The following SPEF1 variants were observed in gnomAD, a reference collection of about 807,000 sequenced individuals.
SPEF1 encodes the protein sperm flagellar and cilia associated 1.
A neutral mutation model predicts 31.8 loss-of-function variants in SPEF1; 30 were observed. The observed-to-expected ratio is 0.94, with a 90% CI of 0.70 to 1.28. The LOEUF is 1.28. Among genes scored for constraint, SPEF1 ranks in the 50% most tolerant of loss-of-function variants. SPEF1 has a pLI of 0.00. For synonymous variants in SPEF1, 126 were observed against 130.1 expected (o/e 0.97, Z 0.21); for missense variants, 298 against 309.6 (o/e 0.96, Z 0.28).
Position 3,781,440 on chromosome 20 carries a change from T to C in SPEF1, c.-153A>G. 8.0e-7 allele frequency: 1 copy of C among 1,248,470 alleles called. No individual in the cohort carries two copies. Among genetic ancestry groups the C allele is most frequent in the South Asian group, 1.6e-5 (1 of 64,268 alleles). 77.3% of individuals were successfully genotyped at this position (1,248,470 alleles called of 1,614,324 possible). On this transcript the variant is annotated 5_prime_UTR_variant, in exon 1 of 7. Transcript: ENST00000379756. ...CACGTCCCAGCTGGGAGCGGCCATA[T>C]TGTTTTCTGAAACCATGGAAACCAT...
chr20:3,781,327 C>G lies in SPEF1; in HGVS notation c.-40G>C. The G allele has an allele frequency of 1.3e-6, 2 of 1,596,064 alleles. No individual in the cohort carries two copies. The highest frequency in any genetic ancestry group is 1.7e-6 in the Non-Finnish European group (2 of 1,172,256). On this transcript the variant is annotated 5_prime_UTR_variant, in exon 1 of 7. Transcript: ENST00000379756. ...CCTGGCCGCCCCAGCGGTGCCGGGT[C>G]CCGCCCCAGCCTCACGACCCTTCAG...
chr20:3,778,937 A>C lies in SPEF1; in HGVS notation c.418+14T>G. 1 of 1,614,164 alleles carries C rather than the reference A, an allele frequency of 6.2e-7. No homozygotes were observed. The highest frequency in any genetic ancestry group is 1.1e-5 in the South Asian group (1 of 91,084). ...GCTCCAACCGGGAGGGAGAAATGGA[A>C]AAGGCCACCTTACCCACATCCATGT... On this transcript the variant is annotated intron_variant, in intron 4 of 6. Coordinates refer to ENST00000379756, the MANE Select transcript of SPEF1 (RefSeq NM_015417.5).
intron 5 of SPEF1, 91 bp from the exon 6 acceptor site, chr20:3,778,635 T>A (rs1333084822): frequency 6.4e-7 from 1 of 1,566,362 alleles, no homozygotes; most frequent in Non-Finnish European, 8.6e-7. Context: ...CTTCTCCCCC[T>A]CTAGCCCCTT....
In SPEF1 at chr20:3,781,446, T is replaced by C. The variant is rs553528371; in HGVS notation, c.-159A>G. 80 of 1,199,612 alleles carry C rather than the reference T, an allele frequency of 6.7e-5. 1 individual carries two copies. The East Asian group carries it at 2.0e-3, about 30-fold the overall frequency. The allele number at this position is 1,199,612 out of a possible 1,614,324, so 74.3% of individuals were successfully genotyped here. The stretch of plus-strand genomic sequence containing the variant: ...CCAGCTGGGAGCGGCCATATTGTTT[T>C]CTGAAACCATGGAAACCATTCCCGA... On this transcript the variant is annotated 5_prime_UTR_variant, in exon 1 of 7. Coordinates refer to ENST00000379756, the MANE Select transcript of SPEF1 (RefSeq NM_015417.5).
At chr20:3,778,878 T>TC in intron 4 of SPEF1, 72 bp from the exon 5 acceptor site, 1 of 1,612,098 alleles carries the variant, frequency 6.2e-7, no homozygotes, top group Non-Finnish European at 8.5e-7. Context: ...CTACTTCCAC[T>TC]CTCACAAGTG....
Position 3,779,259 on chromosome 20 carries a change from G to T in SPEF1, c.315C>A (p.Ile105=). 1 of 1,595,990 alleles carries T rather than the reference G, an allele frequency of 6.3e-7. No individual in the cohort carries two copies. Among genetic ancestry groups the T allele is most frequent in the Non-Finnish European group, 8.5e-7 (1 of 1,170,476 alleles). The part of the protein sequence containing the change: ...CAPGVVELVL[I]PLRQRLEERQ... ...TCTCCTCCAGGCGCTGCCTCAGCGG[G>T]ATGAGCACCAGCTCCACCACGCCTG... Residue 105 remains isoleucine (I), a synonymous_variant, in exon 3 of 7, where the codon ATC becomes ATA. Transcript: ENST00000379756.
At chr20:3,780,312 C>A (rs1339110918) in intron 1 of SPEF1, among the ~76,000 whole-genome samples, 1 of 124,862 alleles carries the variant, frequency 8.0e-6, no homozygotes, top group East Asian at 2.4e-4. Flanking sequence ...CCAGCCTGGG[C>A]GACAAGAGTG....
chr20:3,779,290 C>A lies in SPEF1; in HGVS notation c.284G>T (p.Cys95Phe). The change falls in exon 3 of 7, where the codon TGC becomes TTC. Residue 95 changes from cysteine to phenylalanine, a missense_variant. Transcript: ENST00000379756. Reference sequence around the variant, plus strand: ...CACCAGCTCCACCACGCCTGGGGCGCACTGCGCGATCTTGCGCATCACGTC... The same window carrying A: ...CACCAGCTCCACCACGCCTGGGGCGAACTGCGCGATCTTGCGCATCACGTC... ...PDDVMRKIAQCAPGVVELVLI... is the reference protein window; with the variant it reads ...PDDVMRKIAQFAPGVVELVLI... 1 of 1,599,944 alleles carries A rather than the reference C, an allele frequency of 6.3e-7. No individual in the cohort carries two copies.
At chr20:3,779,175 G>A in intron 3 of SPEF1, 21 bp downstream of exon 3, 1 of 1,555,926 alleles carries the variant, frequency 6.4e-7, no homozygotes, top group Non-Finnish European at 8.7e-7. Context: ...AGCAGTGGGA[G>A]AAGCTGGAGC....
chr20:3,779,185 C>T lies in SPEF1; in HGVS notation c.378+11G>A, dbSNP rs932927643. On this transcript the variant is annotated intron_variant, in intron 3 of 6. Transcript: ENST00000379756. ...CCCAGAGCAGTGGGAGAAGCTGGAG[C>T]GGGGTGGCACCTGTAAGGAGCCGGC... is the stretch of plus-strand genomic sequence containing the variant. 5 of 1,558,744 alleles carry T rather than the reference C, an allele frequency of 3.2e-6. No individual in the cohort carries two copies. Among genetic ancestry groups the T allele is most frequent in the Admixed American group, 1.8e-5 (1 of 54,298 alleles).
chr20:3,780,416 G>GCACA (rs55996387), intron 1 of SPEF1, among the ~76,000 whole-genome samples: 2,395 of 137,866 alleles, frequency 0.017, 27 homozygotes, highest in African/African-American at 0.04. Context: ...GATGCATGAT[G>GCACA]CACACACACA....
chr20:3,778,951 C>G lies in SPEF1; in HGVS notation c.418G>C (p.Gly140Arg). Residue 140 changes from glycine to arginine, a missense_variant and splice_region_variant, in exon 4 of 7, where the codon GGT becomes CGT. Transcript: ENST00000379756. ...PQDGSGYMDV[G>R]VSQKARGEGV... ...GGAGAAATGGAAAAGGCCACCTTACCCACATCCATGTAGCCACTGCCATCC... is the reference window on the plus strand; with the variant it reads ...GGAGAAATGGAAAAGGCCACCTTACGCACATCCATGTAGCCACTGCCATCC... 6.2e-7 allele frequency: 1 copy of G among 1,614,140 alleles called. No individual in the cohort carries two copies. The highest frequency in any genetic ancestry group is 1.1e-5 in the South Asian group (1 of 91,088).
chr20:3,781,066 A>G, intron 1 of SPEF1, 113 bp downstream of exon 1: 1 of 1,437,904 alleles, frequency 7.0e-7, no homozygotes, highest in African/African-American at 1.4e-5. Flanking sequence ...TTGAAGTCCC[A>G]GGAGGCAGAT....
In SPEF1 at chr20:3,781,264, C is replaced by T. The variant is rs1270406396; in HGVS notation, c.24G>A (p.Glu8=). 1 of 1,614,138 alleles carries T rather than the reference C, an allele frequency of 6.2e-7. No homozygotes were observed. Among genetic ancestry groups the T allele is most frequent in the East Asian group, 2.2e-5 (1 of 44,884 alleles). Residue 8 remains glutamate, a synonymous_variant, in exon 1 of 7, where the codon GAG becomes GAA. Coordinates refer to ENST00000379756, the MANE Select transcript of SPEF1 (RefSeq NM_015417.5). MASSVDE[E]ALHQLYLWVD... is the part of the protein sequence containing the mutation. The stretch of plus-strand genomic sequence containing the variant: ...CCCACAGGTACAGCTGGTGCAGCGC[C>T]TCCTCGTCCACGCTGCTCGCCATTG...
intron 1 of SPEF1, among the ~76,000 whole-genome samples, chr20:3,780,334 C>CA (rs58819644): frequency 0.63 from 36,743 of 58,190 alleles, 12,319 homozygotes; most frequent in East Asian, 0.74. Flanking sequence ...GACTCTGTCT[C>CA]AAAAAAAAAA....
chr20:3,780,418 A>G (rs6052074), intron 1 of SPEF1, among the ~76,000 whole-genome samples: 123 of 59,140 alleles, frequency 2.1e-3, no homozygotes, highest in African/African-American at 9.2e-3. Context: ...TGCATGATGC[A>G]CACACACACA....
chr20:3,779,464 G>A (rs1836802764), intron 2 of SPEF1, 112 bp from the exon 3 acceptor site: 1 of 1,012,502 alleles, frequency 9.9e-7, no homozygotes, highest in Non-Finnish European at 1.5e-6. Flanking sequence ...AGCCCTGGGG[G>A]AGTGAAAGCG....
rs2088768850 is a variant in SPEF1, at chr20:3,779,762, C to T, written c.123G>A (p.Glu41=). ...TCTTGGGGAAGTAAAACTTGATGAC[C>T]TCTGCAACAAGGACTGAGGGAGAGG... The part of the protein sequence containing the change: ...RDFSDGVLVA[E]VIKFYFPKMV... The change falls in exon 2 of 7, where the codon GAG becomes GAA. Residue 41 remains glutamate (E), a synonymous_variant. Coordinates refer to ENST00000379756, the MANE Select transcript of SPEF1 (RefSeq NM_015417.5). 6.2e-7 allele frequency: 1 copy of T among 1,607,924 alleles called. No homozygotes were observed. Among genetic ancestry groups the T allele is most frequent in the Non-Finnish European group, 8.5e-7 (1 of 1,176,720 alleles).
intron 2 of SPEF1, 143 bp from the exon 3 acceptor site, chr20:3,779,495 G>A (rs2088767232): frequency 2.2e-6 from 2 of 897,546 alleles, no homozygotes; most frequent in Non-Finnish European, 3.5e-6. Context: ...GAGCTTCCTT[G>A]TGTGGGTGTT....
Sources: allele counts gnomAD v4.1 joint callset (sites outside exome capture counted in the v4.1 genomes callset), GRCh38; gene constraint gnomAD v4.1.1; transcripts MANE v1.5; gene names NCBI Gene and HGNC (gene_info 2026-07-23, HGNC 2026-07-21).